The following PPP2R5A variants were observed in gnomAD, a reference collection of about 807,000 sequenced individuals.
PPP2R5A encodes protein phosphatase 2 regulatory subunit B'alpha.
A neutral mutation model predicts 64.2 loss-of-function variants in PPP2R5A; 25 were observed. That is an observed-to-expected ratio of 0.39 (90% CI 0.28 to 0.54). The LOEUF (loss-of-function observed/expected upper bound fraction) is 0.54, where lower values mean the gene tolerates loss of function less well. PPP2R5A is among the 20% of genes least tolerant of loss of function. The pLI is 0.67. For synonymous variants in PPP2R5A, 198 were observed against 201.2 expected (o/e 0.98, Z 0.13); for missense variants, 425 against 576.3 (o/e 0.74, Z 2.69).
At chr1:212,293,324 T>TAAAATAACTGAAAC (rs1658636864) in intron 1 of PPP2R5A, among the ~76,000 whole-genome samples, 1 of 152,246 alleles carries the variant, frequency 6.6e-6, no homozygotes, top group African/African-American at 2.4e-5. Context: ...CATGTGTGTA[T>TAAAATAACTGAAAC]AAAATAACTG....
intron 1 of PPP2R5A, among the ~76,000 whole-genome samples, chr1:212,300,272 A>G (rs1658775607): frequency 6.6e-6 from 1 of 152,170 alleles, no homozygotes; most frequent in African/African-American, 2.4e-5. Flanking sequence ...TTTAAGAACT[A>G]ATTTTTTTAA....
chr1:212,328,836 A>G (rs1365764676), intron 1 of PPP2R5A, among the ~76,000 whole-genome samples: 1 of 152,184 alleles, frequency 6.6e-6, no homozygotes, highest in African/African-American at 2.4e-5. Flanking sequence ...CATAATCTCC[A>G]CTACTCTGGA....
intron 1 of PPP2R5A, among the ~76,000 whole-genome samples, chr1:212,328,539 G>A (rs768265954): frequency 5.3e-5 from 8 of 152,158 alleles, no homozygotes; most frequent in Non-Finnish European, 1.2e-4. Context: ...GTATACAGCC[G>A]AGAGGAGTTT....
At chr1:212,291,205 G>T (rs1029331298) in intron 1 of PPP2R5A, among the ~76,000 whole-genome samples, 5 of 151,962 alleles carry the variant, frequency 3.3e-5, no homozygotes, top group African/African-American at 1.2e-4. Flanking sequence ...CTGCCTCCCA[G>T]GTTCAAGCGA....
chr1:212,319,904 T>C (rs1309485292), intron 1 of PPP2R5A, among the ~76,000 whole-genome samples: 1 of 151,530 alleles, frequency 6.6e-6, no homozygotes, highest in South Asian at 2.1e-4. Flanking sequence ...ATTACAGGCA[T>C]GAGCCACTGT....
chr1:212,316,247 C>G (rs569926306), intron 1 of PPP2R5A, among the ~76,000 whole-genome samples: 3 of 152,164 alleles, frequency 2.0e-5, no homozygotes, highest in Non-Finnish European at 4.4e-5. Flanking sequence ...TTGTACCAAA[C>G]AGCCAAGTTG....
chr1:212,289,472 A>G (rs557616652), intron 1 of PPP2R5A, among the ~76,000 whole-genome samples: 7 of 152,320 alleles, frequency 4.6e-5, no homozygotes, highest in African/African-American at 1.7e-4. Context: ...TATCTGGATG[A>G]TGTTGCAGCT....
chr1:212,289,808 T>C (rs1276815524), intron 1 of PPP2R5A, among the ~76,000 whole-genome samples: 1 of 151,696 alleles, frequency 6.6e-6, no homozygotes, highest in Non-Finnish European at 1.5e-5. Context: ...TGGTAAACTT[T>C]CCTAGTGTAT....
chr1:212,305,278 C>A (rs376182953), intron 1 of PPP2R5A, among the ~76,000 whole-genome samples: 3 of 151,988 alleles, frequency 2.0e-5, no homozygotes, highest in African/African-American at 4.8e-5. Flanking sequence ...CCTTGTGATC[C>A]TCCCAAAGTG....
chr1:212,305,114 G>A (rs1418998906), intron 1 of PPP2R5A, among the ~76,000 whole-genome samples: 1 of 142,378 alleles, frequency 7.0e-6, no homozygotes, highest in Non-Finnish European at 1.5e-5. Flanking sequence ...TCAGCTCACT[G>A]CAAGCTCCGC....
chr1:212,320,552 G>T (rs1659253781), intron 1 of PPP2R5A, among the ~76,000 whole-genome samples: 1 of 150,018 alleles, frequency 6.7e-6, no homozygotes, highest in African/African-American at 2.5e-5. Flanking sequence ...CCTCCCAGAC[G>T]GGGCGGCTGT....
chr1:212,321,561 G>A (rs1174679430), intron 1 of PPP2R5A, among the ~76,000 whole-genome samples: 1 of 148,040 alleles, frequency 6.8e-6, no homozygotes, highest in Non-Finnish European at 1.5e-5. Context: ...CGGGGCGGCC[G>A]GGCAGAGACG....
chr1:212,321,408 G>T (rs1371644786), intron 1 of PPP2R5A, among the ~76,000 whole-genome samples: 11 of 149,254 alleles, frequency 7.4e-5, no homozygotes, highest in East Asian at 2.0e-4. Context: ...GCTGCCAGGC[G>T]GAGACGCTCC....
At chr1:212,286,419 C>T (rs1658501361) in intron 1 of PPP2R5A, 128 bp downstream of exon 1, 2 of 1,030,840 alleles carry the variant, frequency 1.9e-6, no homozygotes, top group Non-Finnish European at 2.6e-6. Flanking sequence ...GAGCCGAGTT[C>T]CCCACAATGC....
intron 3 of PPP2R5A, among the ~76,000 whole-genome samples, chr1:212,335,246 A>G (rs976759155): frequency 2.0e-5 from 3 of 151,992 alleles, no homozygotes; most frequent in African/African-American, 4.8e-5. Context: ...TTGGGAGGCC[A>G]AGCTGGGTGG....
intron 1 of PPP2R5A, among the ~76,000 whole-genome samples, chr1:212,288,291 C>T (rs964126838): frequency 5.3e-5 from 8 of 152,174 alleles, no homozygotes; most frequent in Non-Finnish European, 8.8e-5. Context: ...GGTGGGATTA[C>T]AGGCGTGAGC....
chr1:212,333,709 G>T, intron 3 of PPP2R5A, 111 bp downstream of exon 3: 1 of 559,400 alleles, frequency 1.8e-6, no homozygotes, highest in Non-Finnish European at 2.9e-6. Context: ...GACTTTTATG[G>T]TTTTATTAAC....
chr1:212,358,384 T>C (rs536136770), intron 11 of PPP2R5A: 111 of 178,590 alleles, frequency 6.2e-4, no homozygotes, highest in Non-Finnish European at 1.1e-3. Flanking sequence ...TTAATGTTGT[T>C]ACTCAGGATT....
chr1:212,350,733 A>C (rs189045428), intron 8 of PPP2R5A, among the ~76,000 whole-genome samples: 46 of 152,274 alleles, frequency 3.0e-4, no homozygotes, highest in Middle Eastern at 6.8e-3. Context: ...GAAAACCCAT[A>C]ATAACACATA....
Sources: allele counts gnomAD v4.1 joint callset (sites outside exome capture counted in the v4.1 genomes callset), GRCh38; gene constraint gnomAD v4.1.1; transcripts MANE v1.5; gene names NCBI Gene and HGNC (gene_info 2026-07-23, HGNC 2026-07-21).